Variants in UBE2V1 observed in about 807,000 individuals in gnomAD.
UBE2V1 encodes the protein ubiquitin conjugating enzyme E2 V1.
A neutral mutation model predicts 19.6 loss-of-function variants in UBE2V1; 15 were observed. That is an observed-to-expected ratio of 0.77 (90% CI 0.51 to 1.18). The LOEUF (loss-of-function observed/expected upper bound fraction) is 1.18. Among genes scored for constraint, UBE2V1 ranks in the 50% most tolerant of loss-of-function variants. The probability of loss-of-function intolerance (pLI) is 0.00; values close to 1 mark genes in which losing one functional copy is unlikely to be tolerated. For synonymous variants in UBE2V1, 60 were observed against 60.7 expected, an observed-to-expected ratio of 0.99 and a Z score of 0.05; for missense variants, 125 against 184.8, an observed-to-expected ratio of 0.68 and a Z score of 1.88.
chr20:50,095,262 A>G (rs879371712), intron 2 of UBE2V1: 4 of 152,234 alleles, frequency 2.6e-5, no homozygotes, highest in African/African-American at 4.8e-5. Flanking sequence ...AAGAGAAGAC[A>G]TGCAGTGAAG....
At chr20:50,111,857 T>A (rs2080774484) in intron 1 of UBE2V1, among the ~76,000 whole-genome samples, 1 of 152,212 alleles carries the variant, frequency 6.6e-6, no homozygotes. Context: ...CTCAGGCTGG[T>A]GTCCCTGCAG....
At position 50,096,448 on chromosome 20, in the gene UBE2V1, A is replaced by G. The variant is rs532140456; in HGVS notation, c.171+224T>C. On this transcript the variant is annotated intron_variant, in intron 2 of 3. Coordinates refer to ENST00000371674, the MANE Select transcript of UBE2V1 (RefSeq NM_001032288.3). ...CCTCACTGTCTACATTGTCATATAA[A>G]TTCACACTATGAGTCTAAACAGGTT... The G allele has an allele frequency of 1.6e-4, 189 of 1,151,924 alleles. 1 individual carries two copies. The East Asian group carries it at 4.8e-3, about 30-fold the overall frequency. The allele number at this position is 1,151,924 out of a possible 1,614,324, so 71.4% of individuals were successfully genotyped here.
Position 50,081,651 on chromosome 20 carries a change from C to A in UBE2V1, c.*1117G>T, listed in dbSNP as rs1194262082. 5.8e-6 allele frequency: 1 copy of A among 171,722 alleles called. No homozygotes were observed. Among genetic ancestry groups the A allele is most frequent in the Non-Finnish European group, 1.2e-5 (1 of 80,924 alleles). The allele number at this position is 171,722 out of a possible 1,614,324, so 10.6% of individuals were successfully genotyped here. ...TTGCAAGGATGACCAAATGAAAGCC[C>A]TGTTTAAAACTTCTTCAATTTTTAA... On this transcript the variant is annotated 3_prime_UTR_variant, in exon 4 of 4. Transcript: ENST00000371674.
intron 2 of UBE2V1, chr20:50,084,517 G>A (rs1341594211): frequency 1.7e-6 from 1 of 582,874 alleles, no homozygotes; most frequent in Admixed American, 2.2e-5. Context: ...CTAATCAGAG[G>A]GACCTGTTTT....
At chr20:50,084,755 T>C in intron 2 of UBE2V1, 1 of 361,954 alleles carries the variant, frequency 2.8e-6, no homozygotes, top group South Asian at 2.1e-5. Flanking sequence ...TCTCCATCAC[T>C]CCGGGGTTAG....
rs980407866 is a variant in UBE2V1 at position 50,081,548 on chromosome 20, G to GCAC, written c.*1217_*1219dup. On this transcript the variant is annotated 3_prime_UTR_variant, in exon 4 of 4. Coordinates refer to ENST00000371674, the MANE Select transcript of UBE2V1 (RefSeq NM_001032288.3). ...CTGAGGATCTTGGGAAGCAGCAGCAGCACCAAAACCAAGGCATGCACCGGA... is the reference window on the plus strand; with the variant it reads ...CTGAGGATCTTGGGAAGCAGCAGCAGCACCACCAAAACCAAGGCATGCACCGGA... The GCAC allele has an allele frequency of 1.3e-5, 2 of 153,190 alleles. No individual in the cohort carries two copies. The highest frequency in any genetic ancestry group is 4.8e-5 in the African/African-American group (2 of 41,436). 9.5% of individuals were successfully genotyped at this position (153,190 alleles called of 1,614,324 possible).
rs139577808 is a variant in UBE2V1, at chr20:50,086,962, A to G, written c.172-2708T>C. Among the ~76,000 whole-genome samples the G allele has an allele frequency of 8.0e-3, 1,222 of 152,264 alleles. 19 individuals are homozygous for G. Among genetic ancestry groups the G allele is most frequent in the African/African-American group, 0.028 (1,146 of 41,538 alleles). On this transcript the variant is annotated intron_variant, in intron 2 of 3. Coordinates refer to ENST00000371674, the MANE Select transcript of UBE2V1 (RefSeq NM_001032288.3). ...TGTGGTTGTGGGCGCCTATAGTCCC[A>G]GCTACTTGTGAGGCTGAGGCAGGAG...
chr20:50,087,534 T>C (rs2078993352), intron 2 of UBE2V1, among the ~76,000 whole-genome samples: 2 of 152,170 alleles, frequency 1.3e-5, no homozygotes, highest in Non-Finnish European at 2.9e-5. Context: ...GAAGGAGAAT[T>C]GCTGGAACAT....
chr20:50,112,504 G>C lies in UBE2V1; in HGVS notation c.22+603C>G, dbSNP rs79943231. 9.8e-4 allele frequency among the ~76,000 whole-genome samples: 149 copies of C among 152,258 alleles called. 1 individual carries two copies. Among genetic ancestry groups the C allele is most frequent in the Admixed American group, 3.6e-3 (55 of 15,296 alleles). On this transcript the variant is annotated intron_variant, in intron 1 of 3. Coordinates refer to ENST00000371674, the MANE Select transcript of UBE2V1 (RefSeq NM_001032288.3). ...ACCCCCTTCATTCTCCCCAAAAGCA[G>C]CTGCTCCAAGGCTCCTCCTTTCTAG... is the stretch of plus-strand genomic sequence containing the variant.
chr20:50,099,199 G>A (rs535528665), intron 1 of UBE2V1, among the ~76,000 whole-genome samples: 7 of 138,800 alleles, frequency 5.0e-5, no homozygotes, highest in Non-Finnish European at 7.5e-5. Context: ...TTCACAGATC[G>A]TGCTATGGGC....
At chr20:50,099,188 G>A (rs967220913) in intron 1 of UBE2V1, among the ~76,000 whole-genome samples, 3 of 148,374 alleles carry the variant, frequency 2.0e-5, no homozygotes, top group African/African-American at 5.2e-5. Context: ...TGAGGTACTT[G>A]TTCACAGATC....
At position 50,084,118 on chromosome 20, in the gene UBE2V1, AAAC is replaced by A. The variant is rs779323243; in HGVS notation, c.297+8_297+10del. On this transcript the variant is annotated splice_region_variant and intron_variant, in intron 3 of 3. Transcript: ENST00000371674. ...CTCCAAGGAACAAGTGGGACAGAGAAAACAACTTACCACTCCATTAGAACTATT... is the reference window on the plus strand; with the variant it reads ...CTCCAAGGAACAAGTGGGACAGAGAAAACTTACCACTCCATTAGAACTATT... 3 of 1,566,858 alleles carry A rather than the reference AAAC, an allele frequency of 1.9e-6. No individual in the cohort carries two copies. The African/African-American group carries it at 4.1e-5, about 21-fold the overall frequency.
intron 2 of UBE2V1, chr20:50,094,841 G>A (rs994240136): frequency 1.3e-5 from 2 of 152,036 alleles, no homozygotes; most frequent in Non-Finnish European, 2.9e-5. Flanking sequence ...TAAGACCACC[G>A]AACTGTATAT....
At chr20:50,106,739 G>C (rs2080386405) in intron 1 of UBE2V1, among the ~76,000 whole-genome samples, 1 of 152,038 alleles carries the variant, frequency 6.6e-6, no homozygotes, top group Admixed American at 6.6e-5. Flanking sequence ...TGAGGCAGGA[G>C]AATCACTTGA....
chr20:50,105,689 C>G (rs1246121952), intron 1 of UBE2V1, among the ~76,000 whole-genome samples: 1 of 152,194 alleles, frequency 6.6e-6, no homozygotes, highest in East Asian at 1.9e-4. Flanking sequence ...TGGCTCACAC[C>G]TGTAATCTCA....
chr20:50,103,636 C>A (rs1379428333), intron 1 of UBE2V1, among the ~76,000 whole-genome samples: 3 of 152,100 alleles, frequency 2.0e-5, no homozygotes, highest in Admixed American at 6.5e-5. Context: ...AAACTCCTGG[C>A]CTCAAGTGAT....
intron 1 of UBE2V1, chr20:50,104,542 A>G (rs2080229240): frequency 5.8e-6 from 1 of 173,046 alleles, no homozygotes; most frequent in Non-Finnish European, 1.1e-5. Flanking sequence ...CTGTAGTCCC[A>G]GCTACTCGGG....
rs945633158 is a variant in UBE2V1, at chr20:50,083,935, T to C, written c.297+194A>G. 1.5e-5 allele frequency: 11 copies of C among 751,886 alleles called. No individual in the cohort carries two copies. In the Admixed American group the frequency reaches 1.8e-4, roughly 13 times the overall value. 46.6% of individuals were successfully genotyped at this position (751,886 alleles called of 1,614,324 possible). A position where few individuals can be genotyped will look rare whatever the true frequency, so the allele number is the denominator to read the frequency against. ...CAGCACAGAACTAGCCCAGGGTAAG[T>C]GCTATATGAGTGATCGCCAGATATA... is the stretch of plus-strand genomic sequence containing the variant. On this transcript the variant is annotated intron_variant, in intron 3 of 3. Transcript: ENST00000371674.
At chr20:50,111,980 G>T (rs1335666370) in intron 1 of UBE2V1, among the ~76,000 whole-genome samples, 1 of 152,076 alleles carries the variant, frequency 6.6e-6, no homozygotes, top group African/African-American at 2.4e-5. Flanking sequence ...GGCACCTGAG[G>T]GTGCAGCCTC....
Sources: gnomAD v4.1 joint callset for allele counts (sites outside exome capture counted in the v4.1 genomes callset) on GRCh38, gnomAD v4.1.1 for gene constraint, MANE v1.5 for transcripts, NCBI Gene and HGNC (gene_info 2026-07-23, HGNC 2026-07-21) for gene names.